The following PAPLN variants were observed in gnomAD, a reference collection of about 807,000 sequenced individuals.
PAPLN encodes the protein papilin, proteoglycan like sulfated glycoprotein.
Under a neutral mutation model 159.0 loss-of-function variants are expected in PAPLN, and 146 were observed. The observed-to-expected ratio is 0.92, with a 90% CI of 0.80 to 1.05. The LOEUF (loss-of-function observed/expected upper bound fraction) is 1.05, where lower values mean the gene tolerates loss of function less well. Among genes scored for constraint, PAPLN ranks in the 50% least tolerant of loss-of-function variants. The pLI, the probability that PAPLN is intolerant of heterozygous loss-of-function variation, is 0.00. For missense variants in PAPLN, 1,720 were observed against 1,743.9 expected (o/e 0.99, Z 0.24); for synonymous variants, 734 against 702.9 (o/e 1.04, Z -0.70).
At chr14:73,260,585 T>TCC (rs1457336298) in intron 16 of PAPLN, 124 bp from the exon 17 acceptor site, 38 of 1,247,440 alleles carry the variant, frequency 3.0e-5, no homozygotes, top group Non-Finnish European at 3.6e-5. Flanking sequence ...CGGGGACACG[T>TCC]CCTCTCCCCC....
chr14:73,250,762 C>A, intron 6 of PAPLN, 145 bp from the exon 7 acceptor site: 1 of 1,001,890 alleles, frequency 1.0e-6, no homozygotes, highest in Non-Finnish European at 1.3e-6. Context: ...CAGCCACAGG[C>A]CAGTCCCCTG....
Position 73,246,397 on chromosome 14 carries a change from ATTTTTTTTTTTTTTTTT to A in PAPLN, c.334+235_334+251del, listed in dbSNP as rs531973214. Among the ~76,000 whole-genome samples the A allele has an allele frequency of 2.6e-3, 222 of 84,652 alleles. 3 individuals are homozygous for A. The highest frequency in any genetic ancestry group is 9.1e-3 in the African/African-American group (206 of 22,670). 55.5% of individuals were successfully genotyped at this position (84,652 alleles called of 152,430 possible). A position where few individuals can be genotyped will look rare whatever the true frequency, so the allele number is the denominator to read the frequency against. On this transcript the variant is annotated intron_variant, in intron 5 of 26. Coordinates refer to ENST00000644200, the MANE Select transcript of PAPLN (RefSeq NM_001365906.3). ...AGGCGTGAGCCACTGTACCCGACCA[ATTTTTTTTTTTTTTTTT>A]TTTTTTTTTTTTGGGTGGGCGCGGG...
intron 14 of PAPLN, 100 bp from the exon 15 acceptor site, chr14:73,258,879 C>A: frequency 1.8e-6 from 2 of 1,116,694 alleles, no homozygotes; most frequent in Non-Finnish European, 2.4e-6. Context: ...CCTGCCTGGG[C>A]AGTGGGGTAG....
At chr14:73,253,050 C>A in intron 11 of PAPLN, 2 of 1,211,396 alleles carry the variant, frequency 1.7e-6, no homozygotes, top group East Asian at 3.2e-5. Flanking sequence ...TCCAGAGGTC[C>A]CTGTCTGTCT....
At chr14:73,251,103 C>G (rs1274961028) in intron 7 of PAPLN, 73 bp downstream of exon 7, 1 of 1,538,290 alleles carries the variant, frequency 6.5e-7, no homozygotes, top group African/African-American at 1.4e-5. Flanking sequence ...TGTCCCTGCT[C>G]TGGCCTAGAC....
intron 17 of PAPLN, 72 bp downstream of exon 17, chr14:73,260,901 G>A: frequency 4.0e-6 from 6 of 1,491,620 alleles, no homozygotes; most frequent in East Asian, 4.6e-5. Context: ...TGTGACCCAG[G>A]ATCTTTGCCG....
At chr14:73,252,875 G>T in intron 11 of PAPLN, 100 bp downstream of exon 11, 1 of 1,534,464 alleles carries the variant, frequency 6.5e-7, no homozygotes, top group Non-Finnish European at 8.8e-7. Flanking sequence ...ACAAAGAGGT[G>T]GGGGTCCAGG....
chr14:73,237,022 G>A (rs563437131), upstream of PAPLN, among the ~76,000 whole-genome samples: 3 of 150,956 alleles, frequency 2.0e-5, no homozygotes, highest in East Asian at 5.8e-4. Context: ...TTTGACCAAG[G>A]TTTTGAGGGC....
intron 14 of PAPLN, among the ~76,000 whole-genome samples, chr14:73,258,342 T>C (rs12590918): frequency 0.1 from 15,445 of 152,136 alleles, 1,441 homozygotes; most frequent in East Asian, 0.49. Context: ...GAGAAATGCG[T>C]AAGTTCTTTA....
rs1267652114 is a variant in PAPLN at position 73,253,786 on chromosome 14, C to T, written c.1127C>T (p.Ala376Val). 6.2e-7 allele frequency: 1 copy of T among 1,606,852 alleles called. No individual in the cohort carries two copies. Among genetic ancestry groups the T allele is most frequent in the Non-Finnish European group, 8.5e-7 (1 of 1,174,806 alleles). Residue 376 changes from alanine (A) to valine (V), a missense_variant, in exon 12 of 27, where the codon GCC becomes GTC. Physicochemically the swap from Ala to Val is moderately conservative, Grantham distance 64. Transcript: ENST00000644200. ...WKAGPWAPCS[A>V]SCGGGSQSRS... ...GCAGGGCCATGGGCACCCTGCTCAG[C>T]CTCCTGTGGAGGAGGCTCCCAGTCC... is the stretch of plus-strand genomic sequence containing the variant.
At chr14:73,239,556 C>A in intron 1 of PAPLN, 2 of 725,924 alleles carry the variant, frequency 2.8e-6, no homozygotes, top group African/African-American at 1.9e-5. Flanking sequence ...CTGCCAGTTG[C>A]GGATGGGCCA....
chr14:73,261,270 G>GCCCCAA lies in PAPLN; in HGVS notation c.2221_2222insCCCCAA (p.Gly741delinsAlaProSer), dbSNP rs1477366716. On this transcript the variant is annotated protein_altering_variant, in exon 18 of 27. Coordinates refer to ENST00000644200, the MANE Select transcript of PAPLN (RefSeq NM_001365906.3). Reference sequence around the variant, plus strand: ...CACTGCAGCCGGTCCTCTTGGGGAAGGCTGTGTGGGCCAGCCCAGCCATGG... The same window carrying GCCCCAA: ...CACTGCAGCCGGTCCTCTTGGGGAAGCCCCAAGCTGTGTGGGCCAGCCCAGCCATGG... 1 of 1,613,854 alleles carries GCCCCAA rather than the reference G, an allele frequency of 6.2e-7. No individual in the cohort carries two copies. Among genetic ancestry groups the GCCCCAA allele is most frequent in the East Asian group, 2.2e-5 (1 of 44,880 alleles).
chr14:73,261,310 C>T lies in PAPLN; in HGVS notation c.2245+16C>T, dbSNP rs1566699102. On this transcript the variant is annotated intron_variant, in intron 18 of 26. Transcript: ENST00000644200. Reference sequence around the variant, plus strand: ...CCCAGCCATGGTGAGTGGACACCCCCTCTCCTCCTTCTCGATGGGTAGACT... The same window carrying T: ...CCCAGCCATGGTGAGTGGACACCCCTTCTCCTCCTTCTCGATGGGTAGACT... 2.5e-6 allele frequency: 4 copies of T among 1,612,138 alleles called. No homozygotes were observed. The highest frequency in any genetic ancestry group is 4.5e-5 in the East Asian group (2 of 44,882).
chr14:73,257,014 C>T (rs1233472660), intron 14 of PAPLN, among the ~76,000 whole-genome samples: 1 of 152,126 alleles, frequency 6.6e-6, no homozygotes, highest in Non-Finnish European at 1.5e-5. Flanking sequence ...CTCTGTTGCC[C>T]AGGCTGCAGT....
In PAPLN at chr14:73,246,139, C is replaced by T. The variant is rs771603934; in HGVS notation, c.298C>T (p.Gln100Ter). ...QCAEFDGAEF[Q>*]GRRYRWLPYY... ...CGCGGAGTTCGACGGAGCGGAGTTC[C>T]AGGGGCGGCGGTATCGGTGGCTGCC... Residue 100 changes from glutamine (Q) to a stop codon, truncating the protein, a stop_gained, in exon 5 of 27, where the codon CAG becomes TAG. Transcript: ENST00000644200. LOFTEE classifies it high-confidence loss of function. The T allele has an allele frequency of 1.9e-6, 3 of 1,590,418 alleles. No individual in the cohort carries two copies. In the African/African-American group the frequency reaches 4.2e-5, roughly 22 times the overall value.
At chr14:73,246,556 CTT>C (rs2140202536) in intron 5 of PAPLN, among the ~76,000 whole-genome samples, 1 of 151,194 alleles carries the variant, frequency 6.6e-6, no homozygotes, top group African/African-American at 2.4e-5. Flanking sequence ...ATCTTTTTTT[CTT>C]TTCTTTCTCT....
At chr14:73,259,080 C>G in intron 15 of PAPLN, 21 bp downstream of exon 15, 1 of 1,600,028 alleles carries the variant, frequency 6.2e-7, no homozygotes, top group Non-Finnish European at 8.5e-7. Flanking sequence ...GGTCCCGTCC[C>G]CCACTCAGAG....
chr14:73,249,960 G>T, intron 5 of PAPLN, 24 bp from the exon 6 acceptor site: 1 of 1,582,730 alleles, frequency 6.3e-7, no homozygotes, highest in Non-Finnish European at 8.6e-7. Context: ...CAGGATCTCA[G>T]TCTTGCCTTC....
At chr14:73,264,532 C>G (rs570006384) in intron 21 of PAPLN, 56 bp from the exon 22 acceptor site, 63 of 1,557,376 alleles carry the variant, frequency 4.0e-5, no homozygotes, top group Admixed American at 6.2e-5. Context: ...GCCCGCCCTT[C>G]CTTCCACTCC....
Sources: allele counts gnomAD v4.1 joint callset (sites outside exome capture counted in the v4.1 genomes callset), GRCh38; gene constraint gnomAD v4.1.1; transcripts MANE v1.5; gene names NCBI Gene and HGNC (gene_info 2026-07-23, HGNC 2026-07-21).